Variants in LHFPL4 observed in about 807,000 individuals in gnomAD.
LHFPL4 encodes LHFPL tetraspan subfamily member 4, also known as LHFPL tetraspan subfamily member 4 protein.
In LHFPL4, 6 loss-of-function variants were observed where a neutral mutation model predicts 20.0. That is an observed-to-expected ratio of 0.30 (90% CI 0.16 to 0.59). LHFPL4 has a LOEUF of 0.59. LHFPL4 is among the 20% of genes least tolerant of loss of function. The pLI is 0.88. For synonymous variants in LHFPL4, 129 were observed against 143.8 expected, an observed-to-expected ratio of 0.90 and a Z score of 0.74; for missense variants, 215 against 331.2, an observed-to-expected ratio of 0.65 and a Z score of 2.72.
At chr3:9,505,866 C>G in intron 3 of LHFPL4, 101 bp downstream of exon 3, 1 of 1,171,972 alleles carries the variant, frequency 8.5e-7, no homozygotes, top group Non-Finnish European at 1.2e-6. Context: ...GCCAGGGTTT[C>G]CAATTCATGC....
intron 2 of LHFPL4, among the ~76,000 whole-genome samples, chr3:9,519,570 C>CT: frequency 6.6e-6 from 1 of 152,182 alleles, no homozygotes; most frequent in South Asian, 2.1e-4. Flanking sequence ...TTCTTTCTCT[C>CT]TTTTTTTGAG....
chr3:9,517,808 G>GTT lies in LHFPL4; in HGVS notation c.407-11607_407-11606dup, dbSNP rs1294844205. ...AGGAGGTTGGGTTTTTTTGTTTTTTGTTTTTTTTTTTTTGCTTGATTCTCT... is the reference window on the plus strand; with the variant it reads ...AGGAGGTTGGGTTTTTTTGTTTTTTGTTTTTTTTTTTTTTTGCTTGATTCTCT... On this transcript the variant is annotated intron_variant, in intron 2 of 3. Transcript: ENST00000287585. Among the ~76,000 whole-genome samples, 18 of 116,700 alleles carry GTT rather than the reference G, an allele frequency of 1.5e-4. 1 individual carries two copies. Among genetic ancestry groups the GTT allele is most frequent in the African/African-American group, 2.9e-4 (9 of 31,258 alleles). 76.6% of individuals were successfully genotyped at this position (116,700 alleles called of 152,430 possible). A position where few individuals can be genotyped will look rare whatever the true frequency, so the allele number is the denominator to read the frequency against.
At chr3:9,552,237 C>A (rs200461533) in intron 2 of LHFPL4, 37 bp downstream of exon 2, 12 of 1,552,344 alleles carry the variant, frequency 7.7e-6, no homozygotes, top group Non-Finnish European at 1.0e-5. Flanking sequence ...CCGTCCCTGG[C>A]GCTTGTTCTG....
chr3:9,508,288 A>G (rs367880410), intron 2 of LHFPL4, among the ~76,000 whole-genome samples: 55 of 152,046 alleles, frequency 3.6e-4, no homozygotes, highest in African/African-American at 1.3e-3. Context: ...CTCCTCTTCC[A>G]GATGCAGGCT....
intron 2 of LHFPL4, among the ~76,000 whole-genome samples, chr3:9,533,006 T>G (rs1047531709): frequency 2.0e-5 from 3 of 152,250 alleles, no homozygotes; most frequent in African/African-American, 7.2e-5. Context: ...CCAAAGGAGC[T>G]TTCACCTGCC....
At chr3:9,551,637 A>G (rs1242559370) in intron 2 of LHFPL4, among the ~76,000 whole-genome samples, 2 of 152,138 alleles carry the variant, frequency 1.3e-5, no homozygotes, top group East Asian at 3.9e-4. Flanking sequence ...GGGAGTGGGG[A>G]TGGAGACCTG....
intron 2 of LHFPL4, among the ~76,000 whole-genome samples, chr3:9,528,503 C>A (rs2046388447): frequency 6.6e-6 from 1 of 152,192 alleles, no homozygotes; most frequent in Admixed American, 6.5e-5. Flanking sequence ...ACTTCCTCCA[C>A]TGAAGTATTC....
At chr3:9,507,114 T>C (rs2046224424) in intron 2 of LHFPL4, among the ~76,000 whole-genome samples, 1 of 152,182 alleles carries the variant, frequency 6.6e-6, no homozygotes, top group Non-Finnish European at 1.5e-5. Context: ...TCAATACCAT[T>C]GTACTTACCT....
chr3:9,514,122 G>C (rs1306495754), intron 2 of LHFPL4, among the ~76,000 whole-genome samples: 1 of 152,020 alleles, frequency 6.6e-6, no homozygotes, highest in Non-Finnish European at 1.5e-5. Context: ...TGTATATGTT[G>C]TCATGATCTT....
chr3:9,515,798 C>T (rs1436025802), intron 2 of LHFPL4, among the ~76,000 whole-genome samples: 2 of 151,674 alleles, frequency 1.3e-5, no homozygotes, highest in African/African-American at 2.4e-5. Flanking sequence ...TCACTGCAAC[C>T]TCTACCTCCT....
At chr3:9,521,938 G>A (rs1276975734) in intron 2 of LHFPL4, among the ~76,000 whole-genome samples, 1 of 151,866 alleles carries the variant, frequency 6.6e-6, no homozygotes, top group Non-Finnish European at 1.5e-5. Context: ...TTTTATATTT[G>A]TTGACCTATC....
chr3:9,544,313 C>T (rs181950539), intron 2 of LHFPL4, among the ~76,000 whole-genome samples: 46 of 151,392 alleles, frequency 3.0e-4, no homozygotes, highest in Non-Finnish European at 6.5e-4. Context: ...AACCCTTTAA[C>T]AATGAACTGC....
At chr3:9,503,077 C>T (rs1214486402) in intron 3 of LHFPL4, among the ~76,000 whole-genome samples, 3 of 151,968 alleles carry the variant, frequency 2.0e-5, no homozygotes, top group South Asian at 2.1e-4. Context: ...TGGGCTCAAG[C>T]GATCCTCCTG....
intron 2 of LHFPL4, among the ~76,000 whole-genome samples, chr3:9,548,744 A>C (rs1343584692): frequency 6.6e-6 from 1 of 152,150 alleles, no homozygotes; most frequent in Non-Finnish European, 1.5e-5. Context: ...CTATCAGTCC[A>C]TGTGTGGTTC....
chr3:9,536,702 C>T (rs1479710142), intron 2 of LHFPL4, among the ~76,000 whole-genome samples: 1 of 152,040 alleles, frequency 6.6e-6, no homozygotes, highest in African/African-American at 2.4e-5. Context: ...TGGCTCATGC[C>T]TGTAATCCTA....
chr3:9,508,006 G>T (rs2046230641), intron 2 of LHFPL4, among the ~76,000 whole-genome samples: 1 of 152,190 alleles, frequency 6.6e-6, no homozygotes, highest in African/African-American at 2.4e-5. Context: ...TGGGGACCTT[G>T]AGCCTGCACC....
chr3:9,546,381 G>C (rs2046513317), intron 2 of LHFPL4, among the ~76,000 whole-genome samples: 1 of 151,228 alleles, frequency 6.6e-6, no homozygotes, highest in African/African-American at 2.4e-5. Flanking sequence ...CTCACTTCTA[G>C]ATCCCCCAAA....
intron 2 of LHFPL4, among the ~76,000 whole-genome samples, chr3:9,534,238 G>C (rs940733188): frequency 6.6e-6 from 1 of 151,900 alleles, no homozygotes; most frequent in African/African-American, 2.4e-5. Context: ...AAGTAGGGGG[G>C]TTGCATACCA....
chr3:9,535,139 C>T (rs1444996300), intron 2 of LHFPL4, among the ~76,000 whole-genome samples: 1 of 152,168 alleles, frequency 6.6e-6, no homozygotes, highest in African/African-American at 2.4e-5. Flanking sequence ...ATAAGAAATA[C>T]TCATGATGTG....
Sources: gnomAD v4.1 joint callset for allele counts (sites outside exome capture counted in the v4.1 genomes callset) on GRCh38, gnomAD v4.1.1 for gene constraint, MANE v1.5 for transcripts, NCBI Gene and HGNC (gene_info 2026-07-23, HGNC 2026-07-21) for gene names.